KSR2: variants seen among roughly 807,000 people sequenced by gnomAD.
The protein encoded by KSR2 is kinase suppressor of ras 2.
KSR2 carries 25 observed loss-of-function variants against 107.8 expected under a neutral mutation model. That is an observed-to-expected ratio of 0.23 (90% CI 0.17 to 0.32). The LOEUF (loss-of-function observed/expected upper bound fraction) is 0.32. Ranked by LOEUF, KSR2 falls within the 10% of genes least tolerant of loss-of-function variation. The probability of loss-of-function intolerance (pLI) is 1.00; values close to 1 mark genes in which losing one functional copy is unlikely to be tolerated. For missense variants in KSR2, 887 were observed against 1,268.9 expected, an observed-to-expected ratio of 0.70 and a Z score of 4.57; for synonymous variants, 480 against 507.0, an observed-to-expected ratio of 0.95 and a Z score of 0.71.
At chr12:117,591,312 T>C (rs1311424158) in intron 5 of KSR2, among the ~76,000 whole-genome samples, 2 of 152,126 alleles carry the variant, frequency 1.3e-5, no homozygotes, top group Non-Finnish European at 2.9e-5. Context: ...TGTCACTCTA[T>C]CAAAGCAGAG....
At chr12:117,952,279 A>G (rs12370586) in intron 1 of KSR2, among the ~76,000 whole-genome samples, 15,572 of 152,180 alleles carry the variant, frequency 0.1, 1,040 homozygotes, top group Admixed American at 0.16. Flanking sequence ...AATAGATATC[A>G]AATCATCATA....
chr12:117,490,132 C>A (rs1421151181), intron 14 of KSR2, among the ~76,000 whole-genome samples: 1 of 152,134 alleles, frequency 6.6e-6, no homozygotes, highest in Non-Finnish European at 1.5e-5. Flanking sequence ...GGATGCATAG[C>A]CTTGATGGGA....
intron 5 of KSR2, among the ~76,000 whole-genome samples, chr12:117,657,473 C>A (rs1253627624): frequency 6.6e-6 from 1 of 152,170 alleles, no homozygotes; most frequent in African/African-American, 2.4e-5. Flanking sequence ...TGTAACCAAC[C>A]ATGAATCCCA....
intron 1 of KSR2, among the ~76,000 whole-genome samples, chr12:117,903,870 A>C (rs1318500402): frequency 1.3e-5 from 2 of 152,108 alleles, no homozygotes; most frequent in Non-Finnish European, 2.9e-5. Context: ...GTGATGGAGC[A>C]TGCCTGTAGT....
At chr12:117,865,438 C>T (rs1893437326) in intron 1 of KSR2, among the ~76,000 whole-genome samples, 1 of 152,098 alleles carries the variant, frequency 6.6e-6, no homozygotes, top group Non-Finnish European at 1.5e-5. Context: ...TCTATGTATG[C>T]CTATGTTGTA....
intron 9 of KSR2, among the ~76,000 whole-genome samples, chr12:117,553,032 T>C (rs573535936): frequency 5.1e-4 from 78 of 152,200 alleles, no homozygotes; most frequent in African/African-American, 1.9e-3. Flanking sequence ...TAAGTTTGGG[T>C]GGTTTGTTGT....
chr12:117,685,704 G>A (rs1379232214), intron 4 of KSR2, among the ~76,000 whole-genome samples: 1 of 152,238 alleles, frequency 6.6e-6, no homozygotes, highest in African/African-American at 2.4e-5. Flanking sequence ...GGAAATAGCT[G>A]CATCCCCACC....
chr12:117,746,050 T>C (rs574606942), intron 4 of KSR2, among the ~76,000 whole-genome samples: 6 of 152,254 alleles, frequency 3.9e-5, no homozygotes, highest in Non-Finnish European at 8.8e-5. Flanking sequence ...CAAGCTACCA[T>C]TGACTTTCTT....
At chr12:117,780,255 T>C (rs1889838830) in intron 3 of KSR2, among the ~76,000 whole-genome samples, 1 of 152,198 alleles carries the variant, frequency 6.6e-6, no homozygotes, top group Non-Finnish European at 1.5e-5. Context: ...CAGATATTTA[T>C]ACACCAATGT....
In KSR2 at chr12:117,794,653, ACACT is replaced by A. The variant is rs564045527; in HGVS notation, c.473-33133_473-33130del. 4.3e-3 allele frequency among the ~76,000 whole-genome samples: 639 copies of A among 150,100 alleles called. 6 individuals carry two copies. The highest frequency in any genetic ancestry group is 0.013 in the African/African-American group (533 of 40,716). On this transcript the variant is annotated intron_variant, in intron 3 of 19. Transcript: ENST00000339824. ...ACACACACCAATATGCACACTCAAAACACTCACACCAATATGCACACACTCATAC... is the reference window on the plus strand; with the variant it reads ...ACACACACCAATATGCACACTCAAAACACACCAATATGCACACACTCATAC...
intron 4 of KSR2, chr12:117,674,541 T>A: frequency 2.4e-6 from 1 of 417,194 alleles, no homozygotes; most frequent in Non-Finnish European, 4.9e-6. Context: ...GCACCACCAA[T>A]CAGCTTTCTC....
intron 14 of KSR2, among the ~76,000 whole-genome samples, chr12:117,488,401 C>A (rs1363169889): frequency 6.6e-6 from 1 of 152,192 alleles, no homozygotes; most frequent in Non-Finnish European, 1.5e-5. Context: ...TAGAACCAAC[C>A]TGCAATGGAT....
intron 1 of KSR2, among the ~76,000 whole-genome samples, chr12:117,883,641 A>G (rs1894090986): frequency 6.6e-6 from 1 of 152,202 alleles, no homozygotes; most frequent in African/African-American, 2.4e-5. Flanking sequence ...AGCACTTGGT[A>G]TGTTTCGGGA....
intron 9 of KSR2, among the ~76,000 whole-genome samples, chr12:117,545,889 T>A (rs1876832139): frequency 1.3e-5 from 2 of 152,150 alleles, no homozygotes; most frequent in African/African-American, 2.4e-5. Context: ...CCAGTTTGAG[T>A]GAAGTTTTCC....
At position 117,460,893 on chromosome 12, in the gene KSR2, A is replaced by T. The variant is rs1366617516; in HGVS notation, c.*6306T>A. ...GCACGTAGTAAGTGCTCTGTGAATG[A>T]GGGCTGTTCAGGGTGGATTGTTACT... On this transcript the variant is annotated 3_prime_UTR_variant, in exon 20 of 20. Coordinates refer to ENST00000339824, the MANE Select transcript of KSR2 (RefSeq NM_173598.6). 6.6e-6 allele frequency: 1 copy of T among 152,254 alleles called. No individual in the cohort carries two copies. The highest frequency in any genetic ancestry group is 2.4e-5 in the African/African-American group (1 of 41,434). The allele number at this position is 152,254 out of a possible 1,614,324, so 9.4% of individuals were successfully genotyped here. A position where few individuals can be genotyped will look rare whatever the true frequency, so the allele number is the denominator to read the frequency against.
intron 1 of KSR2, among the ~76,000 whole-genome samples, chr12:117,917,908 T>C (rs889653623): frequency 6.6e-6 from 1 of 152,196 alleles, no homozygotes; most frequent in Non-Finnish European, 1.5e-5. Flanking sequence ...TAACAAAACC[T>C]GAATAACTGG....
intron 4 of KSR2, among the ~76,000 whole-genome samples, chr12:117,737,922 G>A (rs1454678031): frequency 6.6e-6 from 1 of 151,776 alleles, no homozygotes; most frequent in Non-Finnish European, 1.5e-5. Flanking sequence ...AAATGTTTAA[G>A]GTTGGCCAGC....
chr12:117,859,725 G>C (rs886328361), intron 2 of KSR2, among the ~76,000 whole-genome samples: 42 of 152,272 alleles, frequency 2.8e-4, no homozygotes, highest in African/African-American at 8.7e-4. Flanking sequence ...CCAAAGTGCT[G>C]GGATCACAGG....
chr12:117,730,790 G>A (rs1404303326), intron 4 of KSR2, among the ~76,000 whole-genome samples: 1 of 152,176 alleles, frequency 6.6e-6, no homozygotes, highest in African/African-American at 2.4e-5. Context: ...GATTGCAGAC[G>A]GAGTCTCGCT....
Sources: gnomAD v4.1 joint callset for allele counts (sites outside exome capture counted in the v4.1 genomes callset) on GRCh38, gnomAD v4.1.1 for gene constraint, MANE v1.5 for transcripts, NCBI Gene and HGNC (gene_info 2026-07-23, HGNC 2026-07-21) for gene names.